The following KCNU1 variants were observed in gnomAD, a reference collection of about 807,000 sequenced individuals.
KCNU1 encodes the protein potassium channel subfamily U member 1.
In KCNU1, 93 loss-of-function variants were observed where a neutral mutation model predicts 126.8. The observed-to-expected ratio is 0.73, with a 90% CI of 0.62 to 0.87. The LOEUF is 0.87. Ranked by LOEUF, KCNU1 falls within the 40% of genes least tolerant of loss-of-function variation. KCNU1 has a pLI of 0.00. For synonymous variants in KCNU1, 523 were observed against 494.2 expected (o/e 1.06, Z -0.77); for missense variants, 1,330 against 1,367.1 (o/e 0.97, Z 0.43).
intron 19 of KCNU1, among the ~76,000 whole-genome samples, chr8:36,871,126 A>C (rs150995457): frequency 9.0e-4 from 137 of 152,308 alleles, no homozygotes; most frequent in African/African-American, 3.0e-3. Flanking sequence ...TTCTCATATA[A>C]TTATAGGGAT....
At chr8:36,802,141 C>G (rs1046293866) in intron 2 of KCNU1, among the ~76,000 whole-genome samples, 5 of 144,336 alleles carry the variant, frequency 3.5e-5, no homozygotes, top group Non-Finnish European at 7.5e-5. Flanking sequence ...AAGGAACTTA[C>G]GATAAGAGCT....
chr8:36,822,430 A>G (rs1804164599), intron 10 of KCNU1, among the ~76,000 whole-genome samples: 1 of 152,104 alleles, frequency 6.6e-6, no homozygotes, highest in Non-Finnish European at 1.5e-5. Flanking sequence ...ACCACAGGGA[A>G]CAGAAGTATC....
chr8:36,910,402 G>A (rs978868515), intron 21 of KCNU1, among the ~76,000 whole-genome samples: 1 of 151,546 alleles, frequency 6.6e-6, no homozygotes, highest in Admixed American at 6.6e-5. Context: ...TCCAGCTAGT[G>A]TTAGGAATTA....
chr8:36,811,252 G>A (rs1034663016), intron 7 of KCNU1, among the ~76,000 whole-genome samples: 1 of 152,100 alleles, frequency 6.6e-6, no homozygotes, highest in African/African-American at 2.4e-5. Flanking sequence ...TTTAAAACAA[G>A]GTGTTGAACC....
chr8:36,918,849 C>T lies in KCNU1; in HGVS notation c.2548C>T (p.His850Tyr), dbSNP rs1255762380. The change falls in exon 23 of 27, where the codon CAT becomes TAT. Residue 850 changes from histidine (H) to tyrosine (Y), a missense_variant. By Grantham distance (83) the His-to-Tyr change is moderately conservative (BLOSUM62 2). Coordinates refer to ENST00000399881, the MANE Select transcript of KCNU1 (RefSeq NM_001031836.3). ...GGAGACTCCAGGTTACACAAATGGACATAATGAGAAATCAAACTGCCGAAA... is the reference window on the plus strand; with the variant it reads ...GGAGACTCCAGGTTACACAAATGGATATAATGAGAAATCAAACTGCCGAAA... ...SEETPGYTNG[H>Y]NEKSNCRKVP... is the part of the protein sequence containing the mutation. 1 of 1,608,786 alleles carries T rather than the reference C, an allele frequency of 6.2e-7. No homozygotes were observed. The highest frequency in any genetic ancestry group is 8.5e-7 in the Non-Finnish European group (1 of 1,175,284).
intron 18 of KCNU1, among the ~76,000 whole-genome samples, chr8:36,852,539 A>G (rs867459185): frequency 1.9e-4 from 29 of 152,160 alleles, no homozygotes; most frequent in African/African-American, 6.5e-4. Flanking sequence ...TTTACAAGTT[A>G]TAAGTTTTTC....
Position 36,836,962 on chromosome 8 carries a change from C to A in KCNU1, c.1518+17C>A, listed in dbSNP as rs80133697. ...AACAAAAAGGTAACCTTGTAAATTA[C>A]TGTTGATTCTTGGCTCTGTTCCTAT... On this transcript the variant is annotated intron_variant, in intron 14 of 26. Coordinates refer to ENST00000399881, the MANE Select transcript of KCNU1 (RefSeq NM_001031836.3). 23,532 of 1,612,750 alleles carry A rather than the reference C, an allele frequency of 0.015. 1,726 individuals are homozygous for A. In the East Asian group the frequency reaches 0.24, roughly 16 times the overall value.
rs1043786809 is a variant in KCNU1, at chr8:36,897,946, G to C, written c.2010-7762G>C. The stretch of plus-strand genomic sequence containing the variant: ...GGCCTCCATCTCCATTATCTCCATT[G>C]CTTCTTGATAGGTCGCTGGTACTAA... On this transcript the variant is annotated intron_variant, in intron 19 of 26. Coordinates refer to ENST00000399881, the MANE Select transcript of KCNU1 (RefSeq NM_001031836.3). 2.0e-5 allele frequency among the ~76,000 whole-genome samples: 3 copies of C among 152,076 alleles called. No homozygotes were observed. In the East Asian group the frequency reaches 5.8e-4, roughly 29 times the overall value.
chr8:36,824,937 G>T (rs2082587294), intron 10 of KCNU1, among the ~76,000 whole-genome samples: 1 of 152,112 alleles, frequency 6.6e-6, no homozygotes, highest in Admixed American at 6.6e-5. Flanking sequence ...AAAGAATGGT[G>T]CTGTGCAAAT....
At chr8:36,843,778 G>A (rs921742616) in intron 16 of KCNU1, among the ~76,000 whole-genome samples, 5 of 152,156 alleles carry the variant, frequency 3.3e-5, no homozygotes, top group Non-Finnish European at 5.9e-5. Context: ...GAGATCCTAC[G>A]ACTTGCAAAA....
rs1326989781 is a variant in KCNU1, at chr8:36,932,941, C to T, written c.2953C>T (p.Leu985=). The T allele has an allele frequency of 1.9e-6, 3 of 1,571,868 alleles. No individual in the cohort carries two copies. The highest frequency in any genetic ancestry group is 2.6e-6 in the Non-Finnish European group (3 of 1,156,344). The change falls in exon 26 of 27, where the codon CTG becomes TTG. Residue 985 remains leucine, a synonymous_variant. Coordinates refer to ENST00000399881, the MANE Select transcript of KCNU1 (RefSeq NM_001031836.3). ...CCAGCCAAGAAACACCTTTGGACAA[C>T]TGTTCTGTGGCTCATTAGATCTTTT... ...DVNPRNTFGQ[L]FCGSLDLFGI... is the part of the protein sequence containing the mutation.
At position 36,804,101 on chromosome 8, in the gene KCNU1, T is replaced by G. The variant is rs754103473; in HGVS notation, c.377+13T>G. 24 of 1,526,022 alleles carry G rather than the reference T, an allele frequency of 1.6e-5. No individual in the cohort carries two copies. The highest frequency in any genetic ancestry group is 2.0e-5 in the Non-Finnish European group (22 of 1,121,780). 94.5% of individuals were successfully genotyped at this position (1,526,022 alleles called of 1,614,324 possible). ...TCAATTCTGCTGAGTGAGTACAATG[T>G]CCAGTCACACTTGTCTGCTATATCA... On this transcript the variant is annotated intron_variant, in intron 3 of 26. Transcript: ENST00000399881.
rs1804647767 is a variant in KCNU1, at chr8:36,833,776, A to G, written c.1212+117A>G. Reference sequence around the variant, plus strand: ...TCAGCTTCTTTAATTGGTGGAAAATATAACTTCCTCAACTTTAAAAACAAT... The same window carrying G: ...TCAGCTTCTTTAATTGGTGGAAAATGTAACTTCCTCAACTTTAAAAACAAT... On this transcript the variant is annotated intron_variant, in intron 11 of 26. Coordinates refer to ENST00000399881, the MANE Select transcript of KCNU1 (RefSeq NM_001031836.3). 4 of 592,588 alleles carry G rather than the reference A, an allele frequency of 6.8e-6. No individual in the cohort carries two copies. In the South Asian group the frequency reaches 9.0e-5, roughly 13 times the overall value. 36.7% of individuals were successfully genotyped at this position (592,588 alleles called of 1,614,324 possible). A position where few individuals can be genotyped will look rare whatever the true frequency, so the allele number is the denominator to read the frequency against.
intron 10 of KCNU1, among the ~76,000 whole-genome samples, chr8:36,819,566 C>T (rs1804046538): frequency 1.3e-5 from 2 of 152,044 alleles, no homozygotes; most frequent in African/African-American, 4.8e-5. Flanking sequence ...ATCTTGTCTT[C>T]CCAAAATTTC....
chr8:36,857,761 T>C (rs1585469719), intron 18 of KCNU1, among the ~76,000 whole-genome samples: 2 of 152,232 alleles, frequency 1.3e-5, no homozygotes, highest in Non-Finnish European at 2.9e-5. Flanking sequence ...TTCTCCTGCC[T>C]CAGCCTCTTG....
At chr8:36,837,486 T>G (rs919960859) in intron 14 of KCNU1, among the ~76,000 whole-genome samples, 5 of 152,140 alleles carry the variant, frequency 3.3e-5, no homozygotes, top group Non-Finnish European at 7.4e-5. Flanking sequence ...GTGTTTCCCC[T>G]CAATAATATG....
At position 36,837,262 on chromosome 8, in the gene KCNU1, C is replaced by T. The variant is rs140186702; in HGVS notation, c.1518+317C>T. ...CATCAAAGTAGAAGCATTGAGTTAT[C>T]GAAAGTGAAAATATAAATAAAGGTT... is the stretch of plus-strand genomic sequence containing the variant. On this transcript the variant is annotated intron_variant, in intron 14 of 26. Transcript: ENST00000399881. Among the ~76,000 whole-genome samples, 764 of 151,526 alleles carry T rather than the reference C, an allele frequency of 5.0e-3. 10 individuals carry two copies. Among genetic ancestry groups the T allele is most frequent in the African/African-American group, 0.017 (716 of 41,260 alleles).
intron 7 of KCNU1, among the ~76,000 whole-genome samples, chr8:36,809,997 G>A (rs1408561486): frequency 6.6e-6 from 1 of 152,054 alleles, no homozygotes; most frequent in Non-Finnish European, 1.5e-5. Flanking sequence ...CTCTCCCAAG[G>A]CCACCAACAG....
In KCNU1 at chr8:36,909,445, G is replaced by A; in HGVS notation, c.2241G>A (p.Glu747=). 6.2e-7 allele frequency: 1 copy of A among 1,613,632 alleles called. No homozygotes were observed. The highest frequency in any genetic ancestry group is 8.5e-7 in the Non-Finnish European group (1 of 1,179,554). The change falls in exon 21 of 27, where the codon GAG becomes GAA. Residue 747 remains glutamate (E), a synonymous_variant. Transcript: ENST00000399881. ...PLRASNYTRK[E]LKDIVFIGSL... Reference sequence around the variant, plus strand: ...GAGCCAGCAACTATACCAGGAAGGAGCTGAAGGACATAGTGTTCATTGGGT... The same window carrying A: ...GAGCCAGCAACTATACCAGGAAGGAACTGAAGGACATAGTGTTCATTGGGT...
Sources: gnomAD v4.1 joint callset for allele counts (sites outside exome capture counted in the v4.1 genomes callset) on GRCh38, gnomAD v4.1.1 for gene constraint, MANE v1.5 for transcripts, NCBI Gene and HGNC (gene_info 2026-07-23, HGNC 2026-07-21) for gene names.